PCGF5: variants seen among roughly 807,000 people sequenced by gnomAD.
The protein encoded by PCGF5 is polycomb group ring finger 5, also known as polycomb group RING finger protein 5.
Under a neutral mutation model 44.3 loss-of-function variants are expected in PCGF5, and 9 were observed. The ratio of observed to expected loss-of-function variants is 0.20; its 90% CI spans 0.12 to 0.35. PCGF5 has a LOEUF of 0.35. Among genes scored for constraint, PCGF5 ranks in the 10% least tolerant of loss-of-function variants. The probability of loss-of-function intolerance (pLI) is 1.00; values close to 1 mark genes in which losing one functional copy is unlikely to be tolerated. For missense variants in PCGF5, 146 were observed against 305.3 expected (o/e 0.48, Z 3.89); for synonymous variants, 95 against 102.5 (o/e 0.93, Z 0.44).
chr10:91,159,496 TA>T (rs1843354360), upstream of PCGF5, among the ~76,000 whole-genome samples: 2 of 152,104 alleles, frequency 1.3e-5, no homozygotes, highest in South Asian at 4.1e-4. Context: ...GTCTTTTCAC[TA>T]TGTAAGGATA....
intron 1 of PCGF5, among the ~76,000 whole-genome samples, chr10:91,198,891 C>A (rs527855679): frequency 2.1e-4 from 32 of 152,304 alleles, no homozygotes; most frequent in Admixed American, 1.0e-3. Context: ...TCTTCCTTTT[C>A]TTGCCAGGCC....
At chr10:91,176,648 C>A (rs576598936) in intron 1 of PCGF5, among the ~76,000 whole-genome samples, 16 of 152,272 alleles carry the variant, frequency 1.1e-4, no homozygotes, top group African/African-American at 3.8e-4. Context: ...CGCTTCATTT[C>A]ATTCATTTGA....
chr10:91,254,921 G>T (rs575973092), intron 6 of PCGF5, among the ~76,000 whole-genome samples: 31 of 152,176 alleles, frequency 2.0e-4, no homozygotes, highest in Non-Finnish European at 3.7e-4. Context: ...GAGCTTTGTG[G>T]CATTTTAACT....
intron 1 of PCGF5, among the ~76,000 whole-genome samples, chr10:91,165,945 T>C (rs1485009828): frequency 6.6e-6 from 1 of 152,228 alleles, no homozygotes; most frequent in East Asian, 1.9e-4. Flanking sequence ...AGAATGGGCT[T>C]CTAGCAGTTC....
rs7096215 is a variant in PCGF5, at chr10:91,244,430, T to C, written c.209+3850T>C. On this transcript the variant is annotated intron_variant, in intron 3 of 9. Transcript: ENST00000336126. Reference sequence around the variant, plus strand: ...GAACAGTGAGTGAGGGACAGAATACTGGGCAACAAGAGCAGAGAGATCATG... The same window carrying C: ...GAACAGTGAGTGAGGGACAGAATACCGGGCAACAAGAGCAGAGAGATCATG... Among the ~76,000 whole-genome samples, 652 of 152,196 alleles carry C rather than the reference T, an allele frequency of 4.3e-3. 4 individuals carry two copies. The highest frequency in any genetic ancestry group is 0.014 in the African/African-American group (564 of 41,518).
intron 1 of PCGF5, among the ~76,000 whole-genome samples, chr10:91,213,472 AT>A (rs35287131): frequency 7.3e-4 from 111 of 151,130 alleles, no homozygotes; most frequent in African/African-American, 2.6e-3. Flanking sequence ...ATTAAAAAAA[AT>A]TTTTTTTTAA....
At chr10:91,172,374 G>A (rs1448153510) in intron 1 of PCGF5, among the ~76,000 whole-genome samples, 1 of 151,940 alleles carries the variant, frequency 6.6e-6, no homozygotes, top group Non-Finnish European at 1.5e-5. Context: ...AGCTGGGATT[G>A]TGCCACTGCA....
chr10:91,242,880 T>C (rs1462877778), intron 3 of PCGF5, among the ~76,000 whole-genome samples: 3 of 152,186 alleles, frequency 2.0e-5, no homozygotes, highest in African/African-American at 7.2e-5. Flanking sequence ...GTATAATACT[T>C]TAACCTAACT....
rs146804924 is a variant in PCGF5 at position 91,222,008 on chromosome 10, G to A, written c.-183-681G>A. 8.5e-5 allele frequency among the ~76,000 whole-genome samples: 13 copies of A among 152,278 alleles called. No individual in the cohort carries two copies. The East Asian group carries it at 2.5e-3, about 29-fold the overall frequency. ...GATAGAGTGCTTAGAACCTGCAGAG[G>A]AGACGGTGGGAGAGGAGTGATCCCT... is the stretch of plus-strand genomic sequence containing the variant. On this transcript the variant is annotated intron_variant, in intron 1 of 9. Coordinates refer to ENST00000336126, the MANE Select transcript of PCGF5 (RefSeq NM_032373.5).
At chr10:91,195,517 C>G (rs1844118043) in intron 1 of PCGF5, among the ~76,000 whole-genome samples, 1 of 150,584 alleles carries the variant, frequency 6.6e-6, no homozygotes, top group Non-Finnish European at 1.5e-5. Flanking sequence ...GACGCAGGGT[C>G]TCTGTCACTC....
chr10:91,182,398 G>A (rs1389331325), intron 1 of PCGF5, among the ~76,000 whole-genome samples: 6 of 152,096 alleles, frequency 3.9e-5, no homozygotes, highest in African/African-American at 1.4e-4. Context: ...TGAGGTCAGT[G>A]GTAGTGCCCT....
intron 1 of PCGF5, among the ~76,000 whole-genome samples, chr10:91,175,978 G>C (rs566654495): frequency 2.0e-5 from 3 of 152,108 alleles, no homozygotes; most frequent in South Asian, 2.1e-4. Context: ...TATTTTGCTC[G>C]TTAGTTGATG....
At chr10:91,168,172 G>A (rs1843533010) in intron 1 of PCGF5, among the ~76,000 whole-genome samples, 1 of 152,182 alleles carries the variant, frequency 6.6e-6, no homozygotes, top group Admixed American at 6.5e-5. Flanking sequence ...CTTATGGAGG[G>A]GGATGGTGAA....
chr10:91,190,338 T>G (rs1454804616), intron 1 of PCGF5, among the ~76,000 whole-genome samples: 1 of 152,170 alleles, frequency 6.6e-6, no homozygotes, highest in African/African-American at 2.4e-5. Flanking sequence ...AATTCAAACA[T>G]TCAGACCACA....
At chr10:91,222,643 T>C in intron 1 of PCGF5, 46 bp from the exon 2 acceptor site, 1 of 519,786 alleles carries the variant, frequency 1.9e-6, no homozygotes, top group Non-Finnish European at 3.4e-6. Context: ...TTATGAGGAA[T>C]TTGACGCTTT....
chr10:91,159,346 A>G (rs949303603), upstream of PCGF5, among the ~76,000 whole-genome samples: 5 of 152,130 alleles, frequency 3.3e-5, no homozygotes, highest in East Asian at 1.9e-4. Context: ...CCTCAAATTC[A>G]TATGTTGAAA....
upstream of PCGF5, among the ~76,000 whole-genome samples, chr10:91,159,869 C>T (rs921187604): frequency 6.6e-6 from 1 of 152,052 alleles, no homozygotes; most frequent in Admixed American, 6.5e-5. Context: ...TTATGATATC[C>T]CAGGTATTAA....
intron 2 of PCGF5, among the ~76,000 whole-genome samples, chr10:91,237,984 T>G (rs1329965534): frequency 6.6e-6 from 1 of 152,208 alleles, no homozygotes; most frequent in Non-Finnish European, 1.5e-5. Flanking sequence ...AATTTAAAAT[T>G]TTCTAGTAGC....
chr10:91,191,182 A>G (rs950206433), intron 1 of PCGF5, among the ~76,000 whole-genome samples: 1 of 152,254 alleles, frequency 6.6e-6, no homozygotes, highest in Non-Finnish European at 1.5e-5. Context: ...AAGATTAACA[A>G]CAACAACAAC....
Sources: allele counts gnomAD v4.1 joint callset (sites outside exome capture counted in the v4.1 genomes callset), GRCh38; gene constraint gnomAD v4.1.1; transcripts MANE v1.5; gene names NCBI Gene and HGNC (gene_info 2026-07-23, HGNC 2026-07-21).